Variants in LIMCH1 observed in about 807,000 individuals in gnomAD.
The protein encoded by LIMCH1 is LIM and calponin homology domains-containing protein 1.
Under a neutral mutation model 176.5 loss-of-function variants are expected in LIMCH1, and 113 were observed. That is an observed-to-expected ratio of 0.64 (90% CI 0.55 to 0.75). The LOEUF (loss-of-function observed/expected upper bound fraction) is 0.75, where lower values mean the gene tolerates loss of function less well. LIMCH1 is among the 30% of genes least tolerant of loss of function. LIMCH1 has a pLI of 0.00. For missense variants in LIMCH1, 1,674 were observed against 1,814.9 expected, an observed-to-expected ratio of 0.92 and a Z score of 1.41; for synonymous variants, 619 against 645.9, an observed-to-expected ratio of 0.96 and a Z score of 0.63.
chr4:41,629,812 T>G, intron 9 of LIMCH1, 78 bp downstream of exon 9: 2 of 1,417,746 alleles, frequency 1.4e-6, no homozygotes, highest in Non-Finnish European at 1.9e-6. Flanking sequence ...CTTATCTTTG[T>G]GTCTTTTTTT....
intron 2 of LIMCH1, among the ~76,000 whole-genome samples, chr4:41,506,750 TTTTC>T (rs2074214101): frequency 6.6e-6 from 1 of 152,178 alleles, no homozygotes; most frequent in Non-Finnish European, 1.5e-5. Context: ...ACAAGTAGTT[TTTTC>T]TTTCTTTATA....
intron 1 of LIMCH1, among the ~76,000 whole-genome samples, chr4:41,490,168 A>T (rs1244578995): frequency 6.6e-6 from 1 of 152,116 alleles, no homozygotes; most frequent in East Asian, 1.9e-4. Context: ...AAGCACACTC[A>T]GTGTCACTTT....
At chr4:41,605,025 C>T (rs143084938) in intron 3 of LIMCH1, among the ~76,000 whole-genome samples, 81 of 152,228 alleles carry the variant, frequency 5.3e-4, no homozygotes, top group African/African-American at 1.9e-3. Flanking sequence ...AAATACTCAT[C>T]TTAGCTTCTA....
intron 1 of LIMCH1, among the ~76,000 whole-genome samples, chr4:41,565,712 G>A (rs2082678799): frequency 6.6e-6 from 1 of 152,022 alleles, no homozygotes; most frequent in Non-Finnish European, 1.5e-5. Context: ...GGGAAAGGTG[G>A]GCATTTTGAC....
chr4:41,681,170 C>A, intron 25 of LIMCH1, 111 bp downstream of exon 25: 1 of 606,190 alleles, frequency 1.6e-6, no homozygotes, highest in Admixed American at 2.6e-5. Context: ...CCAAGACTAG[C>A]TATTCCCCTA....
chr4:41,477,574 G>A (rs982008841), intron 1 of LIMCH1, among the ~76,000 whole-genome samples: 1 of 152,208 alleles, frequency 6.6e-6, no homozygotes, highest in Non-Finnish European at 1.5e-5. Flanking sequence ...CTGTAGTTTC[G>A]TGCAGAGTAA....
intron 1 of LIMCH1, among the ~76,000 whole-genome samples, chr4:41,428,339 A>C (rs879894626): frequency 6.6e-6 from 1 of 152,218 alleles, no homozygotes. Flanking sequence ...CCGTGCTATC[A>C]TGATTAAATA....
At chr4:41,672,336 C>T (rs1189840125) in intron 22 of LIMCH1, among the ~76,000 whole-genome samples, 1 of 152,090 alleles carries the variant, frequency 6.6e-6, no homozygotes, top group Non-Finnish European at 1.5e-5. Context: ...CACTACTGCA[C>T]TGCAGCCTGG....
At chr4:41,651,990 T>C (rs921944289) in intron 18 of LIMCH1, among the ~76,000 whole-genome samples, 1 of 152,206 alleles carries the variant, frequency 6.6e-6, no homozygotes, top group African/African-American at 2.4e-5. Flanking sequence ...CTGGACTCTG[T>C]TCAACCTCAT....
chr4:41,536,307 G>A (rs1023039801), upstream of LIMCH1, among the ~76,000 whole-genome samples: 4 of 152,122 alleles, frequency 2.6e-5, no homozygotes, highest in East Asian at 7.7e-4. Flanking sequence ...GTTTTTGTAG[G>A]AAGTTTGTCT....
chr4:41,592,806 A>G (rs557246515), intron 1 of LIMCH1, among the ~76,000 whole-genome samples: 30 of 152,336 alleles, frequency 2.0e-4, no homozygotes, highest in Admixed American at 7.2e-4. Flanking sequence ...GATTCTAACT[A>G]GAAAAGCTAT....
intron 2 of LIMCH1, among the ~76,000 whole-genome samples, chr4:41,500,885 G>A (rs966341501): frequency 1.3e-5 from 2 of 152,162 alleles, no homozygotes; most frequent in African/African-American, 4.8e-5. Context: ...GGAGGATGGA[G>A]GGGTTTCAGT....
At chr4:41,687,044 T>A (rs1721367568) in intron 28 of LIMCH1, among the ~76,000 whole-genome samples, 2 of 152,206 alleles carry the variant, frequency 1.3e-5, no homozygotes, top group Admixed American at 6.5e-5. Flanking sequence ...GAGGGAGGTT[T>A]GGGTGGGAAG....
intron 24 of LIMCH1, among the ~76,000 whole-genome samples, chr4:41,680,736 CAG>C (rs918954600): frequency 1.3e-5 from 2 of 152,126 alleles, no homozygotes; most frequent in Non-Finnish European, 1.5e-5. Flanking sequence ...AATTAATTTG[CAG>C]AGTCTTTGTT....
chr4:41,361,012 T>C, intron 1 of LIMCH1: 2 of 1,106,820 alleles, frequency 1.8e-6, no homozygotes, highest in Non-Finnish European at 2.5e-6. Flanking sequence ...CGACCGCAGG[T>C]CCAGCCTTGC....
At chr4:41,581,144 A>G (rs2085352845) in intron 1 of LIMCH1, among the ~76,000 whole-genome samples, 2 of 129,994 alleles carry the variant, frequency 1.5e-5, no homozygotes, top group Non-Finnish European at 3.1e-5. Flanking sequence ...CTATCTATCT[A>G]TCATCTAATC....
rs1452167402 is a variant in LIMCH1 at position 41,596,048 on chromosome 4, C to CAAAAAAAAAAAAAAAA, written c.-240-2859_-240-2858insAAAAAAAAAAAAAAAA. Among the ~76,000 whole-genome samples, 92 of 100,636 alleles carry CAAAAAAAAAAAAAAAA rather than the reference C, an allele frequency of 9.1e-4. 4 individuals are homozygous for CAAAAAAAAAAAAAAAA. The highest frequency in any genetic ancestry group is 6.0e-3 in the African/African-American group (87 of 14,436). The allele number at this position is 100,636 out of a possible 152,430, so 66.0% of individuals were successfully genotyped here. On this transcript the variant is annotated intron_variant, in intron 1 of 31. Transcript: ENST00000503057. ...TGGGTGACAGAGTGAGACTCCATCT[C>CAAAAAAAAAAAAAAAA]AAAAAAAAAAAAATAAAAAAGTTCA...
rs1235205714 is a variant in LIMCH1 at position 41,419,701 on chromosome 4, T to G, written c.96+58765T>G. Among the ~76,000 whole-genome samples the G allele has an allele frequency of 3.6e-3, 346 of 97,452 alleles. 14 individuals carry two copies. The highest frequency in any genetic ancestry group is 0.013 in the African/African-American group (319 of 24,418). The allele number at this position is 97,452 out of a possible 152,430, so 63.9% of individuals were successfully genotyped here. A position where few individuals can be genotyped will look rare whatever the true frequency, so the allele number is the denominator to read the frequency against. On this transcript the variant is annotated intron_variant, in intron 1 of 26. Coordinates refer to the LIMCH1 transcript ENST00000313860. ...CCTTCCTCCTTCCTTCCTTCCTTCC[T>G]TCCTTCCTTCCTTCCTTCCTCCTTC...
chr4:41,545,208 C>T (rs576284613), intron 1 of LIMCH1, among the ~76,000 whole-genome samples: 3 of 152,138 alleles, frequency 2.0e-5, no homozygotes, highest in Non-Finnish European at 4.4e-5. Flanking sequence ...TGATGCCTAT[C>T]GCTCACCTGA....
Sources: allele counts gnomAD v4.1 joint callset (sites outside exome capture counted in the v4.1 genomes callset), GRCh38; gene constraint gnomAD v4.1.1; transcripts MANE v1.5; gene names NCBI Gene and HGNC (gene_info 2026-07-23, HGNC 2026-07-21).